The following SLC8A1 variants were observed in gnomAD, a reference collection of about 807,000 sequenced individuals.
The protein encoded by SLC8A1 is solute carrier family 8 member A1, also known as sodium/calcium exchanger 1.
In SLC8A1, 18 loss-of-function variants were observed where a neutral mutation model predicts 68.3. The ratio of observed to expected loss-of-function variants is 0.26; its 90% CI spans 0.18 to 0.39. The LOEUF (loss-of-function observed/expected upper bound fraction) is 0.39, where lower values mean the gene tolerates loss of function less well. Ranked by LOEUF, SLC8A1 falls within the 10% of genes least tolerant of loss-of-function variation. SLC8A1 has a pLI of 1.00. For synonymous variants in SLC8A1, 475 were observed against 415.5 expected (o/e 1.14, Z -1.74); for missense variants, 985 against 1,156.7 (o/e 0.85, Z 2.15).
At chr2:40,134,895 A>C (rs1471241064) in intron 7 of SLC8A1, among the ~76,000 whole-genome samples, 1 of 152,266 alleles carries the variant, frequency 6.6e-6, no homozygotes, top group Non-Finnish European at 1.5e-5. Flanking sequence ...AAAAAAATCC[A>C]GAATGTAATA....
Position 40,338,562 on chromosome 2 carries a change from T to C in SLC8A1, c.1808+89911A>G, listed in dbSNP as rs565239922. Reference sequence around the variant, plus strand: ...TTTCTGCTCTGTAAACATCCTCATATGGCATCTGACCCTACTGAAATCATT... The same window carrying C: ...TTTCTGCTCTGTAAACATCCTCATACGGCATCTGACCCTACTGAAATCATT... On this transcript the variant is annotated intron_variant, in intron 2 of 7. Transcript: ENST00000406785. Among the ~76,000 whole-genome samples the C allele has an allele frequency of 2.0e-5, 3 of 152,266 alleles. No homozygotes were observed. In the East Asian group the frequency reaches 5.8e-4, roughly 29 times the overall value.
intron 2 of SLC8A1, among the ~76,000 whole-genome samples, chr2:40,235,873 G>C (rs1031418586): frequency 2.0e-5 from 3 of 151,490 alleles, no homozygotes; most frequent in Non-Finnish European, 4.4e-5. Context: ...TAGTCATTCA[G>C]GAGCAGGTTG....
chr2:40,357,410 T>C (rs1432026166), intron 2 of SLC8A1, among the ~76,000 whole-genome samples: 2 of 150,530 alleles, frequency 1.3e-5, no homozygotes, highest in Non-Finnish European at 2.9e-5. Context: ...GGTGGGAGGA[T>C]TGCTTGAGCC....
intron 2 of SLC8A1, among the ~76,000 whole-genome samples, chr2:40,330,806 G>C (rs1256009922): frequency 6.6e-6 from 1 of 152,102 alleles, no homozygotes; most frequent in Non-Finnish European, 1.5e-5. Context: ...AGTAAATTGA[G>C]GCATTCTGGA....
At chr2:40,177,728 G>A (rs150380165) in intron 3 of SLC8A1, 2 of 1,386,198 alleles carry the variant, frequency 1.4e-6, no homozygotes, top group Non-Finnish European at 2.0e-6. Context: ...TTTCTCGCTG[G>A]TATGTCTTTG....
At chr2:40,104,469 C>T (rs1329988583) in exon 8 of SLC8A1, 3 of 152,102 alleles carry the variant, frequency 2.0e-5, no homozygotes, top group Non-Finnish European at 4.4e-5. Flanking sequence ...TAGTGGAAGA[C>T]AGAATGTGAA....
At chr2:40,236,299 A>G (rs7419928) in intron 2 of SLC8A1, among the ~76,000 whole-genome samples, 72,543 of 151,330 alleles carry the variant, frequency 0.48, 19,953 homozygotes, top group Non-Finnish European at 0.63. Flanking sequence ...TTGGGTGCAT[A>G]TATATTTAGG....
intron 2 of SLC8A1, among the ~76,000 whole-genome samples, chr2:40,270,776 T>G (rs2065926655): frequency 6.6e-6 from 1 of 152,166 alleles, no homozygotes; most frequent in Non-Finnish European, 1.5e-5. Flanking sequence ...CATTACATTA[T>G]TCCACTTACC....
At chr2:40,425,576 A>G (rs1465917002) in intron 2 of SLC8A1, among the ~76,000 whole-genome samples, 1 of 151,762 alleles carries the variant, frequency 6.6e-6, no homozygotes, top group East Asian at 1.9e-4. Flanking sequence ...TTTTTTTTTC[A>G]AAGTACTTAA....
intron 2 of SLC8A1, among the ~76,000 whole-genome samples, chr2:40,296,253 T>A (rs1024793963): frequency 6.6e-6 from 1 of 152,168 alleles, no homozygotes; most frequent in Admixed American, 6.6e-5. Context: ...TACTTTTTCC[T>A]TAACTAGGAG....
intron 2 of SLC8A1, among the ~76,000 whole-genome samples, chr2:40,344,361 T>C (rs1668605748): frequency 6.6e-6 from 1 of 152,236 alleles, no homozygotes; most frequent in South Asian, 2.1e-4. Context: ...TGAAGGAACA[T>C]GCTTTGGAGG....
chr2:40,256,537 G>T (rs557446543), intron 2 of SLC8A1, among the ~76,000 whole-genome samples: 4 of 152,292 alleles, frequency 2.6e-5, no homozygotes, highest in Admixed American at 1.3e-4. Flanking sequence ...TCTACTGGAC[G>T]CATTTAATGT....
chr2:40,336,582 C>A (rs1284329519), intron 2 of SLC8A1, among the ~76,000 whole-genome samples: 1 of 152,080 alleles, frequency 6.6e-6, no homozygotes, highest in Non-Finnish European at 1.5e-5. Flanking sequence ...CTAAACTGAC[C>A]TTTTCCCCTG....
chr2:40,464,528 G>T (rs912317281), intron 1 of SLC8A1, among the ~76,000 whole-genome samples: 18 of 152,230 alleles, frequency 1.2e-4, no homozygotes, highest in African/African-American at 4.3e-4. Context: ...TTTAAAGATT[G>T]TAAGAAGGGG....
intron 2 of SLC8A1, among the ~76,000 whole-genome samples, chr2:40,307,245 T>C (rs537581694): frequency 6.7e-4 from 102 of 152,042 alleles, no homozygotes; most frequent in African/African-American, 2.3e-3. Context: ...CCCTGTCACA[T>C]GGTACACGGT....
intron 2 of SLC8A1, among the ~76,000 whole-genome samples, chr2:40,217,887 A>G (rs2057734573): frequency 6.6e-6 from 1 of 152,236 alleles, no homozygotes; most frequent in Non-Finnish European, 1.5e-5. Context: ...TTAAGTAACC[A>G]TATACTTCTC....
intron 1 of SLC8A1, among the ~76,000 whole-genome samples, chr2:40,485,880 C>G (rs559113735): frequency 1.3e-5 from 2 of 152,224 alleles, no homozygotes; most frequent in South Asian, 2.1e-4. Context: ...AAATTGGACA[C>G]TCAATATTTG....
chr2:40,502,306 C>T (rs925881314), intron 1 of SLC8A1, among the ~76,000 whole-genome samples: 3 of 152,088 alleles, frequency 2.0e-5, no homozygotes, highest in Non-Finnish European at 2.9e-5. Context: ...AGACTTCCAT[C>T]TTCCCTCTCA....
chr2:40,340,947 G>C (rs1367808770), intron 2 of SLC8A1, among the ~76,000 whole-genome samples: 1 of 152,124 alleles, frequency 6.6e-6, no homozygotes, highest in Non-Finnish European at 1.5e-5. Context: ...TCCCATGAGA[G>C]AGTTAAACTT....
Sources: gnomAD v4.1 joint callset for allele counts (sites outside exome capture counted in the v4.1 genomes callset) on GRCh38, gnomAD v4.1.1 for gene constraint, MANE v1.5 for transcripts, NCBI Gene and HGNC (gene_info 2026-07-23, HGNC 2026-07-21) for gene names.